Variants in KLRG1 observed in about 807,000 individuals in gnomAD.
KLRG1 encodes killer cell lectin-like receptor subfamily G member 1.
In KLRG1, 16 loss-of-function variants were observed where a neutral mutation model predicts 21.8. The observed-to-expected ratio is 0.73, with a 90% confidence interval of 0.50 to 1.11. The LOEUF is 1.11. Among genes scored for constraint, KLRG1 ranks in the 50% most tolerant of loss-of-function variants. The pLI is 0.00. For missense variants in KLRG1, 173 were observed against 218.3 expected (o/e 0.79, Z 1.31); for synonymous variants, 69 against 75.9 (o/e 0.91, Z 0.47).
At chr12:9,001,270 G>C (rs1418031333) in intron 3 of KLRG1, among the ~76,000 whole-genome samples, 1 of 151,904 alleles carries the variant, frequency 6.6e-6, no homozygotes, top group Non-Finnish European at 1.5e-5. Context: ...TACATCCTTT[G>C]CTTTAAATAC....
At chr12:9,089,115 A>G in the KLRG1 span, 1 of 1,080,840 alleles carries the variant, frequency 9.3e-7, no homozygotes. Context: ...GATCACAGAG[A>G]AAGTGTAGGA....
At chr12:9,093,612 A>C in the KLRG1 span, 1 of 1,287,236 alleles carries the variant, frequency 7.8e-7, no homozygotes, top group Non-Finnish European at 1.1e-6. Context: ...CATTACAATA[A>C]ACATACAGAT....
the KLRG1 span, among the ~76,000 whole-genome samples, chr12:9,143,983 C>T: frequency 6.6e-6 from 1 of 152,202 alleles, no homozygotes; most frequent in Non-Finnish European, 1.5e-5. Flanking sequence ...TGGGTGTCCC[C>T]AAGATTTCTT....
chr12:9,094,998 A>G, the KLRG1 span: 1 of 1,581,060 alleles, frequency 6.3e-7, no homozygotes, highest in Non-Finnish European at 8.6e-7. Flanking sequence ...GTAGACCTTC[A>G]GGTCCATGCA....
At chr12:9,068,825 C>T in the KLRG1 span, 1 of 1,602,162 alleles carries the variant, frequency 6.2e-7, no homozygotes, top group East Asian at 2.2e-5. Context: ...AGAACAAGCT[C>T]AGTGTCTGAT....
chr12:9,110,870 A>T, the KLRG1 span, among the ~76,000 whole-genome samples: 7 of 152,290 alleles, frequency 4.6e-5, no homozygotes, highest in African/African-American at 1.7e-4. Flanking sequence ...GGCCTTCAGC[A>T]ACAAATATAC....
chr12:9,207,988 C>T, the KLRG1 span, among the ~76,000 whole-genome samples: 1 of 152,126 alleles, frequency 6.6e-6, no homozygotes, highest in East Asian at 1.9e-4. Context: ...TCCAAAAGAA[C>T]TGTTCTGTGA....
intron 1 of KLRG1, among the ~76,000 whole-genome samples, chr12:8,976,809 G>A (rs887593355): frequency 2.6e-5 from 4 of 151,926 alleles, no homozygotes; most frequent in African/African-American, 9.7e-5. Flanking sequence ...GCAATGGCGT[G>A]CATTTTGGCT....
the KLRG1 span, among the ~76,000 whole-genome samples, chr12:9,107,037 A>G: frequency 6.6e-6 from 1 of 152,190 alleles, no homozygotes; most frequent in African/African-American, 2.4e-5. Flanking sequence ...TCCACTTGCT[A>G]TTTTGAAATA....
the KLRG1 span, chr12:9,070,541 C>A: frequency 4.3e-6 from 7 of 1,613,722 alleles, no homozygotes; most frequent in Non-Finnish European, 5.9e-6. Context: ...TTCACATCAA[C>A]GATCGCCATG....
chr12:9,097,849 T>G, the KLRG1 span, among the ~76,000 whole-genome samples: 2 of 152,174 alleles, frequency 1.3e-5, no homozygotes, highest in Admixed American at 6.5e-5. Flanking sequence ...GCCAGACTGG[T>G]CTCAAACTCC....
rs1276823999 is a variant in KLRG1 at position 9,009,685 on chromosome 12, A to G, written c.*148A>G. ...GGCATTAGATGCAAGACAACCTCCTAGGGATTGATGCCTAACTGATGGATT... is the reference window on the plus strand; with the variant it reads ...GGCATTAGATGCAAGACAACCTCCTGGGGATTGATGCCTAACTGATGGATT... On this transcript the variant is annotated 3_prime_UTR_variant, in exon 5 of 5. Coordinates refer to ENST00000356986, the MANE Select transcript of KLRG1 (RefSeq NM_005810.4). The G allele has an allele frequency of 1.4e-6, 2 of 1,434,920 alleles. No homozygotes were observed. Among genetic ancestry groups the G allele is most frequent in the Non-Finnish European group, 1.8e-6 (2 of 1,098,864 alleles). The allele number at this position is 1,434,920 out of a possible 1,614,324, so 88.9% of individuals were successfully genotyped here.
chr12:8,998,813 T>G (rs1947219459), intron 3 of KLRG1, among the ~76,000 whole-genome samples: 1 of 152,162 alleles, frequency 6.6e-6, no homozygotes, highest in Non-Finnish European at 1.5e-5. Flanking sequence ...CTAATTGTCT[T>G]CTGGTTTCTT....
the KLRG1 span, among the ~76,000 whole-genome samples, chr12:9,194,465 T>C: frequency 6.9e-6 from 1 of 145,048 alleles, no homozygotes; most frequent in African/African-American, 2.5e-5. Context: ...TCAGGGAGTT[T>C]TTTTTTTTTT....
At chr12:9,097,791 T>G in the KLRG1 span, among the ~76,000 whole-genome samples, 2 of 151,868 alleles carry the variant, frequency 1.3e-5, no homozygotes, top group African/African-American at 4.8e-5. Flanking sequence ...CGCCACCACG[T>G]CTGACTAATT....
At chr12:9,065,954 G>A in the KLRG1 span, 1 of 152,262 alleles carries the variant, frequency 6.6e-6, no homozygotes, top group Non-Finnish European at 1.5e-5. Flanking sequence ...TTGCAGAGAG[G>A]AGCCAGCCAC....
the KLRG1 span, among the ~76,000 whole-genome samples, chr12:9,154,367 C>T: frequency 4.3e-4 from 65 of 152,214 alleles, no homozygotes; most frequent in Middle Eastern, 3.4e-3. Flanking sequence ...ATGACCATAG[C>T]GTGGCTTTAG....
the KLRG1 span, chr12:9,169,519 C>T: frequency 6.2e-7 from 1 of 1,612,898 alleles, no homozygotes; most frequent in African/African-American, 1.3e-5. Flanking sequence ...GGACAGTGTC[C>T]TTGTTCTTCC....
At chr12:9,151,676 G>C in the KLRG1 span, 6 of 1,612,314 alleles carry the variant, frequency 3.7e-6, no homozygotes, top group Admixed American at 3.3e-5. Context: ...TTTCAAGCTG[G>C]AGAGAATTAG....
Sources: gnomAD v4.1 joint callset for allele counts (sites outside exome capture counted in the v4.1 genomes callset) on GRCh38, gnomAD v4.1.1 for gene constraint, MANE v1.5 for transcripts, NCBI Gene and HGNC (gene_info 2026-07-23, HGNC 2026-07-21) for gene names.